SLC4A4: variants seen among roughly 807,000 people sequenced by gnomAD.
SLC4A4 encodes solute carrier family 4 member 4.
SLC4A4 carries 27 observed loss-of-function variants against 111.5 expected under a neutral mutation model. That is an observed-to-expected ratio of 0.24 (90% CI 0.18 to 0.33). The LOEUF is 0.33. Among genes scored for constraint, SLC4A4 ranks in the 10% least tolerant of loss-of-function variants. SLC4A4 has a pLI of 1.00. For missense variants in SLC4A4, 909 were observed against 1,315.5 expected (o/e 0.69, Z 4.78); for synonymous variants, 443 against 463.4 (o/e 0.96, Z 0.57).
rs542668353 is a variant in SLC4A4 at position 71,417,114 on chromosome 4, A to G, written c.807+19461A>G. The stretch of plus-strand genomic sequence containing the variant: ...CCACAACACAGGTGTGAACACATGG[A>G]CTTCATGTGTTTAACAAACATTTAT... On this transcript the variant is annotated intron_variant, in intron 7 of 25. Transcript: ENST00000264485. 9.8e-5 allele frequency among the ~76,000 whole-genome samples: 15 copies of G among 152,322 alleles called. No homozygotes were observed. The South Asian group carries it at 2.7e-3, about 27-fold the overall frequency.
chr4:71,083,699 C>A (rs1742060600), intron 1 of SLC4A4, among the ~76,000 whole-genome samples: 1 of 151,874 alleles, frequency 6.6e-6, no homozygotes, highest in African/African-American at 2.4e-5. Flanking sequence ...GCATGGGGCT[C>A]TGGGGTAAGA....
intron 16 of SLC4A4, among the ~76,000 whole-genome samples, chr4:71,512,576 C>T (rs1255144380): frequency 6.6e-6 from 1 of 152,110 alleles, no homozygotes; most frequent in Non-Finnish European, 1.5e-5. Flanking sequence ...TATATTTTCT[C>T]ATTCCATAGG....
At chr4:71,160,584 C>A (rs899494993) in intron 2 of SLC4A4, among the ~76,000 whole-genome samples, 1 of 150,380 alleles carries the variant, frequency 6.6e-6, no homozygotes, top group Non-Finnish European at 1.5e-5. Flanking sequence ...GGGAAAGGGG[C>A]GGTAATATGG....
intron 1 of SLC4A4, among the ~76,000 whole-genome samples, chr4:71,191,477 T>C (rs552857288): frequency 6.6e-6 from 1 of 152,364 alleles, no homozygotes; most frequent in East Asian, 1.9e-4. Context: ...AATAAGTATT[T>C]TAATCTTTTG....
At chr4:71,495,807 T>C (rs1365247281) in intron 15 of SLC4A4, among the ~76,000 whole-genome samples, 7 of 152,092 alleles carry the variant, frequency 4.6e-5, no homozygotes, top group Non-Finnish European at 1.0e-4. Context: ...TCTGATAGCA[T>C]ATGACATATC....
chr4:71,207,632 G>C (rs1020552690), intron 1 of SLC4A4, among the ~76,000 whole-genome samples: 4 of 152,198 alleles, frequency 2.6e-5, no homozygotes, highest in Middle Eastern at 3.2e-3. Flanking sequence ...GGAAGTATTG[G>C]AAGTGATGCA....
chr4:71,138,707 A>G (rs999395276), intron 2 of SLC4A4, among the ~76,000 whole-genome samples: 1 of 152,172 alleles, frequency 6.6e-6, no homozygotes, highest in Non-Finnish European at 1.5e-5. Context: ...GCAGGAGGGA[A>G]GAAGGCTGGT....
intron 7 of SLC4A4, among the ~76,000 whole-genome samples, chr4:71,436,101 A>T (rs564342552): frequency 5.1e-4 from 78 of 152,326 alleles, no homozygotes; most frequent in African/African-American, 1.5e-3. Context: ...ATAAAGACAC[A>T]TGCACACGTA....
chr4:71,183,892 C>T (rs1270482317), upstream of SLC4A4, among the ~76,000 whole-genome samples: 1 of 152,190 alleles, frequency 6.6e-6, no homozygotes, highest in Non-Finnish European at 1.5e-5. Context: ...ATGTTATCTC[C>T]TACCACCTTT....
At chr4:71,500,513 G>A (rs1730819181) in intron 16 of SLC4A4, among the ~76,000 whole-genome samples, 1 of 152,048 alleles carries the variant, frequency 6.6e-6, no homozygotes, top group Non-Finnish European at 1.5e-5. Flanking sequence ...GTAGAGACAG[G>A]ATTTCACCAT....
intron 3 of SLC4A4, among the ~76,000 whole-genome samples, chr4:71,271,591 G>C (rs1483092003): frequency 6.6e-6 from 1 of 152,196 alleles, no homozygotes; most frequent in African/African-American, 2.4e-5. Context: ...AAGATAAAAA[G>C]AGGCACAATC....
rs906082768 is a variant in SLC4A4, at chr4:71,103,763, T to C, written c.-2+10971T>C. ...AACATACCAGAATCTCTGGGATGCA[T>C]TTAAAGCAGTGTGGAGAGGGAAATT... is the stretch of plus-strand genomic sequence containing the variant. On this transcript the variant is annotated intron_variant, in intron 2 of 26. Coordinates refer to the SLC4A4 transcript ENST00000649996. 1.2e-4 allele frequency among the ~76,000 whole-genome samples: 19 copies of C among 152,104 alleles called. No individual in the cohort carries two copies. The East Asian group carries it at 1.4e-3, about 11-fold the overall frequency.
intron 2 of SLC4A4, among the ~76,000 whole-genome samples, chr4:71,110,246 A>C (rs1743051413): frequency 6.6e-6 from 1 of 152,002 alleles, no homozygotes; most frequent in Non-Finnish European, 1.5e-5. Flanking sequence ...ACAGGGTCTC[A>C]CTCTGCTGCC....
intron 7 of SLC4A4, among the ~76,000 whole-genome samples, chr4:71,410,431 C>T (rs192111160): frequency 1.3e-5 from 2 of 152,316 alleles, no homozygotes; most frequent in East Asian, 3.9e-4. Flanking sequence ...TAAAATTTGA[C>T]ACCCCCACTG....
chr4:71,175,673 C>T (rs1745069196), intron 2 of SLC4A4, among the ~76,000 whole-genome samples: 1 of 152,220 alleles, frequency 6.6e-6, no homozygotes, highest in Non-Finnish European at 1.5e-5. Flanking sequence ...GTAAACAAAG[C>T]AGTCAGGAAG....
chr4:71,126,851 T>C (rs1743575309), intron 2 of SLC4A4, among the ~76,000 whole-genome samples: 1 of 152,226 alleles, frequency 6.6e-6, no homozygotes, highest in African/African-American at 2.4e-5. Flanking sequence ...CACATACTTT[T>C]GGTTCTGCAT....
chr4:71,446,959 T>G (rs112069641), intron 8 of SLC4A4, among the ~76,000 whole-genome samples: 1,689 of 152,384 alleles, frequency 0.011, 13 homozygotes, highest in Middle Eastern at 0.024. Flanking sequence ...TGTTATTGTA[T>G]GTTTCAGGAC....
At chr4:71,484,116 A>G (rs1028090825) in intron 14 of SLC4A4, among the ~76,000 whole-genome samples, 1 of 151,334 alleles carries the variant, frequency 6.6e-6, no homozygotes, top group Non-Finnish European at 1.5e-5. Context: ...CCTTCCATAC[A>G]GTAGGTTGTT....
At chr4:71,268,076 T>TTG (rs1722425470) in intron 3 of SLC4A4, among the ~76,000 whole-genome samples, 2 of 11,114 alleles carry the variant, frequency 1.8e-4, no homozygotes, top group South Asian at 6.3e-3. Context: ...TAAAGTAGTG[T>TTG]TTTTTTTTTT....
Sources: allele counts gnomAD v4.1 joint callset (sites outside exome capture counted in the v4.1 genomes callset), GRCh38; gene constraint gnomAD v4.1.1; transcripts MANE v1.5; gene names NCBI Gene and HGNC (gene_info 2026-07-23, HGNC 2026-07-21).